Variants in AFG2A observed in about 807,000 individuals in gnomAD.
The protein encoded by AFG2A is ATPase family gene 2 protein homolog A.
the AFG2A span, chr4:123,314,157 A>G: frequency 8.9e-7 from 1 of 1,125,322 alleles, no homozygotes; most frequent in Non-Finnish European, 1.2e-6. Context: ...AAATTTTACT[A>G]GGCAAAATGT....
At chr4:123,289,339 C>T in the AFG2A span, among the ~76,000 whole-genome samples, 12 of 152,150 alleles carry the variant, frequency 7.9e-5, no homozygotes, top group Non-Finnish European at 8.8e-5. Flanking sequence ...CTGTCAAAGA[C>T]GTTACTTTGT....
the AFG2A span, among the ~76,000 whole-genome samples, chr4:122,984,139 G>A: frequency 6.6e-6 from 1 of 152,090 alleles, no homozygotes; most frequent in Admixed American, 6.5e-5. Flanking sequence ...TCTTTCAGTT[G>A]TGTTTTGTAG....
chr4:123,151,525 GA>G, the AFG2A span, among the ~76,000 whole-genome samples: 4 of 152,078 alleles, frequency 2.6e-5, no homozygotes, highest in East Asian at 7.7e-4. Flanking sequence ...ACAAACATAA[GA>G]AAAAAAGGTC....
the AFG2A span, among the ~76,000 whole-genome samples, chr4:123,148,872 A>G: frequency 4.6e-5 from 7 of 151,172 alleles, no homozygotes; most frequent in African/African-American, 1.7e-4. Flanking sequence ...GGGCTCAAGC[A>G]ATTCTCTTGC....
At chr4:123,028,730 G>T in the AFG2A span, among the ~76,000 whole-genome samples, 2 of 152,088 alleles carry the variant, frequency 1.3e-5, no homozygotes, top group East Asian at 3.9e-4. Context: ...AGGACTTAAA[G>T]ATAAACATGA....
the AFG2A span, among the ~76,000 whole-genome samples, chr4:123,157,122 TCTC>T: frequency 2.6e-5 from 4 of 151,868 alleles, no homozygotes; most frequent in South Asian, 8.3e-4. Flanking sequence ...TTCAAGCAAT[TCTC>T]CTGTCTCAGC....
chr4:122,953,208 A>T, the AFG2A span, among the ~76,000 whole-genome samples: 1 of 152,154 alleles, frequency 6.6e-6, no homozygotes, highest in Non-Finnish European at 1.5e-5. Flanking sequence ...AGAACTCCCC[A>T]GCAGTTGTTT....
chr4:123,111,495 A>G, the AFG2A span, among the ~76,000 whole-genome samples: 14 of 152,190 alleles, frequency 9.2e-5, no homozygotes, highest in African/African-American at 3.4e-4. Flanking sequence ...GCTTGTTTGG[A>G]AAAATTGAGA....
the AFG2A span, among the ~76,000 whole-genome samples, chr4:122,945,743 C>T: frequency 7.2e-5 from 11 of 152,324 alleles, no homozygotes; most frequent in Middle Eastern, 3.4e-3. Flanking sequence ...GTGTTGCTCA[C>T]GCTGGGAGCT....
the AFG2A span, among the ~76,000 whole-genome samples, chr4:123,189,950 C>T: frequency 4.3e-3 from 642 of 150,944 alleles, 7 homozygotes; most frequent in Non-Finnish European, 6.6e-3. Flanking sequence ...GAACCACAGG[C>T]GTGCACCACA....
chr4:123,057,296 G>A, the AFG2A span: 3 of 1,609,892 alleles, frequency 1.9e-6, no homozygotes, highest in Non-Finnish European at 2.6e-6. Context: ...CAGGTAAGAA[G>A]TATTTAATAG....
At chr4:122,990,488 T>A in the AFG2A span, among the ~76,000 whole-genome samples, 1 of 152,194 alleles carries the variant, frequency 6.6e-6, no homozygotes, top group Admixed American at 6.5e-5. Flanking sequence ...TGTTTTTAAA[T>A]TGTTAGCTAA....
At chr4:123,123,349 T>C in the AFG2A span, among the ~76,000 whole-genome samples, 1 of 152,220 alleles carries the variant, frequency 6.6e-6, no homozygotes, top group Non-Finnish European at 1.5e-5. Context: ...GAGAACTTAG[T>C]TTGGTTTATT....
chr4:123,310,938 C>T, the AFG2A span, among the ~76,000 whole-genome samples: 80 of 152,230 alleles, frequency 5.3e-4, no homozygotes, highest in African/African-American at 1.8e-3. Flanking sequence ...CGCCCTAGGA[C>T]ATACAGACAG....
chr4:122,959,817 A>G, the AFG2A span, among the ~76,000 whole-genome samples: 2 of 152,178 alleles, frequency 1.3e-5, no homozygotes, highest in African/African-American at 4.8e-5. Context: ...TACTCTCAAC[A>G]TCTCTAATCT....
chr4:123,300,744 T>G, the AFG2A span, among the ~76,000 whole-genome samples: 1 of 66,408 alleles, frequency 1.5e-5, no homozygotes, highest in Non-Finnish European at 4.1e-5. Context: ...TTATCCTATG[T>G]TTTTTTTGTT....
At chr4:123,232,084 G>C in the AFG2A span, among the ~76,000 whole-genome samples, 1 of 151,960 alleles carries the variant, frequency 6.6e-6, no homozygotes, top group East Asian at 1.9e-4. Flanking sequence ...AATGGCTGCA[G>C]TAGACTTGCT....
the AFG2A span, among the ~76,000 whole-genome samples, chr4:123,069,493 G>A: frequency 1.3e-5 from 2 of 151,478 alleles, no homozygotes; most frequent in Non-Finnish European, 2.9e-5. Flanking sequence ...AATACACAAA[G>A]AAGGAGTGTA....
At chr4:122,943,607 T>A in the AFG2A span, among the ~76,000 whole-genome samples, 2 of 152,170 alleles carry the variant, frequency 1.3e-5, no homozygotes, top group Admixed American at 6.5e-5. Flanking sequence ...AGTCTGTGTC[T>A]TTTAATTGGA....
Sources: allele counts gnomAD v4.1 joint callset (sites outside exome capture counted in the v4.1 genomes callset), GRCh38; gene constraint gnomAD v4.1.1; transcripts MANE v1.5; gene names NCBI Gene and HGNC (gene_info 2026-07-23, HGNC 2026-07-21).